CNBD2: variants seen among roughly 807,000 people sequenced by gnomAD.
The protein encoded by CNBD2 is cyclic nucleotide binding domain containing 2, also known as cyclic nucleotide-binding domain-containing protein 2.
In CNBD2, 64 loss-of-function variants were observed where a neutral mutation model predicts 63.7. The ratio of observed to expected loss-of-function variants is 1.00; its 90% CI spans 0.82 to 1.24. The LOEUF (loss-of-function observed/expected upper bound fraction) is 1.24. Ranked by LOEUF, CNBD2 falls within the 50% of genes most tolerant of loss-of-function variation. CNBD2 has a pLI of 0.00. For synonymous variants in CNBD2, 229 were observed against 255.4 expected, an observed-to-expected ratio of 0.90 and a Z score of 0.99; for missense variants, 691 against 713.5, an observed-to-expected ratio of 0.97 and a Z score of 0.36.
At chr20:35,981,430 A>T (rs2056598074) in intron 4 of CNBD2, among the ~76,000 whole-genome samples, 1 of 151,350 alleles carries the variant, frequency 6.6e-6, no homozygotes, top group African/African-American at 2.4e-5. Flanking sequence ...CTCTTTCTTT[A>T]TTCTTTTTAT....
At chr20:35,956,015 C>T (rs189937051), downstream of CNBD2, among the ~76,000 whole-genome samples, 94 of 152,310 alleles carry the variant, frequency 6.2e-4, no homozygotes, top group African/African-American at 1.9e-3. Flanking sequence ...GCCACCGTGC[C>T]GGGCCACAAA....
In CNBD2 at chr20:35,980,756, A is replaced by G; in HGVS notation, c.407+134A>G. ...CATGAATGAAGTCTTCTGTCCATTC[A>G]CTTCAGCTCCCACTGCTATGGTCGC... On this transcript the variant is annotated intron_variant, in intron 4 of 11. Coordinates refer to ENST00000373973, the MANE Select transcript of CNBD2 (RefSeq NM_001365709.1). 8.0e-6 allele frequency: 6 copies of G among 751,504 alleles called. No individual in the cohort carries two copies. In the South Asian group the frequency reaches 1.1e-4, roughly 14 times the overall value. 46.6% of individuals were successfully genotyped at this position (751,504 alleles called of 1,614,324 possible).
At chr20:35,990,356 CG>C (rs1204956254) in intron 7 of CNBD2, among the ~76,000 whole-genome samples, 4 of 152,184 alleles carry the variant, frequency 2.6e-5, no homozygotes, top group Non-Finnish European at 5.9e-5. Flanking sequence ...TTGCTCCGGG[CG>C]CCGTGGCTCA....
At chr20:36,002,267 C>T (rs866527087) in intron 8 of CNBD2, among the ~76,000 whole-genome samples, 5 of 152,200 alleles carry the variant, frequency 3.3e-5, no homozygotes, top group African/African-American at 9.7e-5. Flanking sequence ...CGTGGCGGTG[C>T]GCGCCTGCAA....
At chr20:36,007,994 A>T (rs1383931036) in intron 8 of CNBD2, among the ~76,000 whole-genome samples, 2 of 152,194 alleles carry the variant, frequency 1.3e-5, no homozygotes, top group African/African-American at 4.8e-5. Context: ...AAGAGACCTG[A>T]GTTCAAATCC....
intron 3 of CNBD2, among the ~76,000 whole-genome samples, chr20:35,976,461 T>C (rs1034445461): frequency 4.6e-5 from 7 of 152,158 alleles, no homozygotes; most frequent in African/African-American, 1.7e-4. Context: ...CTTATTCAGG[T>C]GCAGCGCAGC....
intron 9 of CNBD2, among the ~76,000 whole-genome samples, chr20:36,010,814 T>C (rs1295917789): frequency 6.6e-6 from 1 of 151,836 alleles, no homozygotes; most frequent in Non-Finnish European, 1.5e-5. Flanking sequence ...ATGCTGAGCA[T>C]GAGAGGGCCA....
chr20:35,966,221 C>T (rs1422889869), upstream of CNBD2, among the ~76,000 whole-genome samples: 1 of 152,182 alleles, frequency 6.6e-6, no homozygotes, highest in Admixed American at 6.6e-5. Flanking sequence ...ACTTTCTCTT[C>T]TTTCTCTCTC....
chr20:35,977,541 G>A (rs1251071664), intron 3 of CNBD2, among the ~76,000 whole-genome samples: 5 of 152,142 alleles, frequency 3.3e-5, no homozygotes, highest in Non-Finnish European at 7.4e-5. Flanking sequence ...AGCTAGGCAC[G>A]GTGGCTCACA....
chr20:36,008,442 C>T lies in CNBD2; in HGVS notation c.1116C>T (p.Asp372=), dbSNP rs774882342. 1.2e-6 allele frequency: 2 copies of T among 1,613,582 alleles called. No homozygotes were observed. The highest frequency in any genetic ancestry group is 1.7e-6 in the Non-Finnish European group (2 of 1,179,888). ...GCAGGAAGATCAGAACCTCAGGAGA[C>T]ACTCTCCCCAAGATGCTGGGCCCGA... is the stretch of plus-strand genomic sequence containing the variant. ...SFSRKIRTSG[D]TLPKMLGPKI... is the part of the protein sequence containing the mutation. Residue 372 remains aspartate (D), a synonymous_variant, in exon 9 of 12, where the codon GAC becomes GAT. Coordinates refer to ENST00000373973, the MANE Select transcript of CNBD2 (RefSeq NM_001365709.1).
rs112972184 is a variant in CNBD2 at position 36,026,362 on chromosome 20, G to C, written c.1439+2591G>C. Among the ~76,000 whole-genome samples the C allele has an allele frequency of 2.2e-3, 330 of 152,200 alleles. 4 individuals are homozygous for C. The highest frequency in any genetic ancestry group is 3.9e-3 in the Non-Finnish European group (267 of 67,996). Reference sequence around the variant, plus strand: ...CCCCCACTTCGGGACCACCAAGCTAGACTCCCGCAAGTCTTATCACGGGTT... The same window carrying C: ...CCCCCACTTCGGGACCACCAAGCTACACTCCCGCAAGTCTTATCACGGGTT... On this transcript the variant is annotated intron_variant, in intron 11 of 11. Transcript: ENST00000373973.
intron 7 of CNBD2, among the ~76,000 whole-genome samples, chr20:35,994,458 T>A (rs1486479775): frequency 6.6e-6 from 1 of 151,150 alleles, no homozygotes; most frequent in Admixed American, 6.6e-5. Flanking sequence ...TCTTCCCACA[T>A]CAGCCTCCCA....
At chr20:35,956,330 C>T (rs1258977652), downstream of CNBD2, among the ~76,000 whole-genome samples, 1 of 152,146 alleles carries the variant, frequency 6.6e-6, no homozygotes, top group South Asian at 2.1e-4. Context: ...TGGGAGATTT[C>T]ACATGCAAAT....
intron 4 of CNBD2, among the ~76,000 whole-genome samples, chr20:35,982,743 G>A (rs1258248660): frequency 6.7e-6 from 1 of 149,396 alleles, no homozygotes; most frequent in Non-Finnish European, 1.5e-5. Flanking sequence ...TTTTTTTTGA[G>A]ACAGAGTCAC....
chr20:35,962,969 T>C (rs1384864063), intron 2 of CNBD2, among the ~76,000 whole-genome samples: 1 of 152,190 alleles, frequency 6.6e-6, no homozygotes, highest in Non-Finnish European at 1.5e-5. Flanking sequence ...CTGTGAAACC[T>C]TTAGGACCAG....
At chr20:35,999,841 C>A (rs1484258924) in intron 8 of CNBD2, among the ~76,000 whole-genome samples, 1 of 152,098 alleles carries the variant, frequency 6.6e-6, no homozygotes, top group African/African-American at 2.4e-5. Context: ...CCATGCCCAG[C>A]TAATTTTGTG....
chr20:35,970,950 CTTT>C (rs539363959), intron 1 of CNBD2, among the ~76,000 whole-genome samples: 5 of 136,726 alleles, frequency 3.7e-5, no homozygotes, highest in East Asian at 2.1e-4. Flanking sequence ...TTTTCTTTTT[CTTT>C]TTTTTTTTTT....
chr20:36,024,964 T>C (rs2057266028), intron 11 of CNBD2, among the ~76,000 whole-genome samples: 1 of 152,018 alleles, frequency 6.6e-6, no homozygotes. Flanking sequence ...AAAAAATAAA[T>C]AAGATGTTCA....
rs1568915859 is a variant in CNBD2 at position 36,011,249 on chromosome 20, G to T, written c.1261G>T (p.Glu421Ter). 1 of 1,558,938 alleles carries T rather than the reference G, an allele frequency of 6.4e-7. No homozygotes were observed. The change falls in exon 10 of 12, where the codon GAA becomes TAA. Residue 421 changes from glutamate (E) to a stop codon, truncating the protein, a stop_gained. Transcript: ENST00000373973. LOFTEE classifies it high-confidence loss of function. ...GAAGGTGCACACTGTGGAGCAGGGA[G>T]AAATTTTGGTGAGTGTGCCAAGAGC... ...YVKVHTVEQGEILGLHQAFLP... is the reference protein window; with the variant it reads ...YVKVHTVEQG
Sources: gnomAD v4.1 joint callset for allele counts (sites outside exome capture counted in the v4.1 genomes callset) on GRCh38, gnomAD v4.1.1 for gene constraint, MANE v1.5 for transcripts, NCBI Gene and HGNC (gene_info 2026-07-23, HGNC 2026-07-21) for gene names.